Variants in TDRD9 observed in about 807,000 individuals in gnomAD.
TDRD9 encodes the protein ATP-dependent RNA helicase TDRD9.
TDRD9 carries 124 observed loss-of-function variants against 172.6 expected under a neutral mutation model. The ratio of observed to expected loss-of-function variants is 0.72; its 90% confidence interval spans 0.62 to 0.83. The LOEUF (loss-of-function observed/expected upper bound fraction) is 0.83. Among genes scored for constraint, TDRD9 ranks in the 40% least tolerant of loss-of-function variants. TDRD9 has a pLI of 0.00. For synonymous variants in TDRD9, 619 were observed against 617.1 expected (o/e 1.00, Z -0.05); for missense variants, 1,479 against 1,714.1 (o/e 0.86, Z 2.42).
At chr14:104,041,603 T>C (rs1446937291) in intron 33 of TDRD9, among the ~76,000 whole-genome samples, 1 of 152,128 alleles carries the variant, frequency 6.6e-6, no homozygotes, top group Non-Finnish European at 1.5e-5. Context: ...TCATATGTCA[T>C]TAGGAAAATG....
Position 104,014,751 on chromosome 14 carries a change from G to T in TDRD9, c.2133G>T (p.Lys711Asn). Residue 711 changes from lysine to asparagine, a missense_variant, in exon 21 of 36, where the codon AAG (lysine) becomes AAT (asparagine). Coordinates refer to ENST00000409874, the MANE Select transcript of TDRD9 (RefSeq NM_153046.3). ...REVAELYEEL[K>N]TRISQFNMHV... ...TGGCTGAATTATATGAAGAATTGAA[G>T]ACTAGAATCTCACAGTTCAACATGC... The T allele has an allele frequency of 6.2e-7, 1 of 1,609,932 alleles. No individual in the cohort carries two copies. Among genetic ancestry groups the T allele is most frequent in the South Asian group, 1.1e-5 (1 of 90,890 alleles).
intron 15 of TDRD9, among the ~76,000 whole-genome samples, chr14:104,006,059 A>G (rs920094509): frequency 6.6e-6 from 1 of 152,176 alleles, no homozygotes; most frequent in African/African-American, 2.4e-5. Context: ...ATAGTTCAGT[A>G]AGGTTTTGTT....
intron 7 of TDRD9, among the ~76,000 whole-genome samples, chr14:103,976,619 A>G (rs762365640): frequency 1.3e-5 from 2 of 152,194 alleles, no homozygotes; most frequent in African/African-American, 4.8e-5. Flanking sequence ...TATGGTGAAT[A>G]ATGCTGCAGT....
At position 104,004,278 on chromosome 14, in the gene TDRD9, G is replaced by A. The variant is rs2034361592; in HGVS notation, c.1524G>A (p.Leu508=). The A allele has an allele frequency of 1.2e-6, 2 of 1,604,936 alleles. No homozygotes were observed. Among genetic ancestry groups the A allele is most frequent in the South Asian group, 2.2e-5 (2 of 89,578 alleles). The change falls in exon 14 of 36, where the codon CTG becomes CTA. Residue 508 remains leucine (L), a synonymous_variant. Coordinates refer to ENST00000409874, the MANE Select transcript of TDRD9 (RefSeq NM_153046.3). The part of the protein sequence containing the change: ...GRVSRGYCYR[L]VHKDFWDNSI... ...TGTCTAGAGGGTACTGTTACCGGCT[G>A]GTACACAAGGATTTCTGGGACAACT... is the stretch of plus-strand genomic sequence containing the variant.
intron 30 of TDRD9, among the ~76,000 whole-genome samples, chr14:104,032,937 G>A (rs2035330700): frequency 1.3e-5 from 2 of 152,178 alleles, no homozygotes; most frequent in South Asian, 4.1e-4. Flanking sequence ...CGTCAGCCAA[G>A]GTGCAGGTGT....
At chr14:103,946,621 C>T (rs2031572271) in intron 1 of TDRD9, among the ~76,000 whole-genome samples, 1 of 152,206 alleles carries the variant, frequency 6.6e-6, no homozygotes. Context: ...TCTCTGTTTG[C>T]AGATGATATA....
intron 20 of TDRD9, among the ~76,000 whole-genome samples, chr14:104,011,535 C>A (rs1420399689): frequency 5.3e-5 from 8 of 151,974 alleles, no homozygotes; most frequent in Admixed American, 5.2e-4. Flanking sequence ...TTTGAGGGAT[C>A]AATTTTAAAA....
At chr14:103,935,297 A>G (rs541326070) in intron 1 of TDRD9, among the ~76,000 whole-genome samples, 1 of 152,204 alleles carries the variant, frequency 6.6e-6, no homozygotes, top group African/African-American at 2.4e-5. Flanking sequence ...AGAGTGGAGG[A>G]TGTGGGGTGT....
intron 7 of TDRD9, among the ~76,000 whole-genome samples, chr14:103,983,290 T>C (rs1847065093): frequency 6.6e-6 from 1 of 151,990 alleles, no homozygotes; most frequent in Admixed American, 6.6e-5. Flanking sequence ...CTTGAACTCC[T>C]GACCTCAAAT....
At chr14:104,030,139 A>G (rs1566794765) in intron 28 of TDRD9, among the ~76,000 whole-genome samples, 1 of 152,180 alleles carries the variant, frequency 6.6e-6, no homozygotes, top group East Asian at 1.9e-4. Flanking sequence ...TACATACAAA[A>G]AAGTCCTGTA....
intron 9 of TDRD9, among the ~76,000 whole-genome samples, chr14:103,992,006 A>T (rs899911843): frequency 5.9e-5 from 9 of 152,190 alleles, no homozygotes; most frequent in Admixed American, 1.3e-4. Flanking sequence ...CATTTTACAT[A>T]TGTCGTTATA....
rs745315403 is a variant in TDRD9 at position 104,040,350 on chromosome 14, C to T, written c.3855+16C>T. 1.3e-6 allele frequency: 2 copies of T among 1,535,342 alleles called. No individual in the cohort carries two copies. Among genetic ancestry groups the T allele is most frequent in the African/African-American group, 1.4e-5 (1 of 72,644 alleles). On this transcript the variant is annotated intron_variant, in intron 33 of 35. Coordinates refer to ENST00000409874, the MANE Select transcript of TDRD9 (RefSeq NM_153046.3). ...TGTCGTCGAGGTAAGGGTAGTGCAG[C>T]ATCACGGCACCACAACCCTGTCTCT...
chr14:104,021,010 T>C (rs1269206968), intron 23 of TDRD9, among the ~76,000 whole-genome samples: 1 of 152,148 alleles, frequency 6.6e-6, no homozygotes, highest in African/African-American at 2.4e-5. Context: ...CTCTCGGTGC[T>C]ATAAAGAAAT....
intron 28 of TDRD9, 147 bp downstream of exon 28, chr14:104,027,086 G>A: frequency 1.2e-6 from 1 of 822,968 alleles, no homozygotes; most frequent in Non-Finnish European, 1.8e-6. Context: ...AAGACTGGTG[G>A]CACCAATTTA....
rs764207166 is a variant in TDRD9 at position 103,970,610 on chromosome 14, C to T, written c.835C>T (p.Arg279Cys). 35 of 1,549,778 alleles carry T rather than the reference C, an allele frequency of 2.3e-5. 1 individual carries two copies. The highest frequency in any genetic ancestry group is 2.1e-4 in the South Asian group (18 of 84,016). Reference sequence around the variant, plus strand: ...CCGCAAACTCTTAAGAACAAATTCACGTTTTGTGAAGGTAAATTTGATTTC... The same window carrying T: ...CCGCAAACTCTTAAGAACAAATTCATGTTTTGTGAAGGTAAATTTGATTTC... ...VVRKLLRTNS[R>C]FVKVVLMSAT... Residue 279 changes from arginine to cysteine, a missense_variant, in exon 6 of 36, where the codon CGT becomes TGT. Around this residue, in one of 3 missense-constraint regions of TDRD9, gnomAD observed 1,413 missense variants for 1,649.1 expected, o/e 0.86. Transcript: ENST00000409874.
rs558353654 is a variant in TDRD9 at position 103,982,672 on chromosome 14, G to A, written c.1012-3545G>A. Among the ~76,000 whole-genome samples, 6 of 152,294 alleles carry A rather than the reference G, an allele frequency of 3.9e-5. 1 individual carries two copies. The South Asian group carries it at 1.2e-3, about 32-fold the overall frequency. ...TGTAATCCCAGCACTTTGGGAGGCCGAGGCAGGCGGATCACCTGAGGTTGG... is the reference window on the plus strand; with the variant it reads ...TGTAATCCCAGCACTTTGGGAGGCCAAGGCAGGCGGATCACCTGAGGTTGG... On this transcript the variant is annotated intron_variant, in intron 7 of 35. Coordinates refer to ENST00000409874, the MANE Select transcript of TDRD9 (RefSeq NM_153046.3).
intron 13 of TDRD9, among the ~76,000 whole-genome samples, chr14:103,999,545 T>G (rs2034180524): frequency 6.6e-6 from 1 of 152,146 alleles, no homozygotes; most frequent in Non-Finnish European, 1.5e-5. Flanking sequence ...ATGACATACC[T>G]GGGACAGGTT....
At chr14:103,932,984 TC>T (rs1311583788) in intron 1 of TDRD9, among the ~76,000 whole-genome samples, 1 of 152,092 alleles carries the variant, frequency 6.6e-6, no homozygotes, top group African/African-American at 2.4e-5. Flanking sequence ...CGCCTGTGGG[TC>T]CCAGCATGAA....
intron 1 of TDRD9, among the ~76,000 whole-genome samples, chr14:103,947,778 GA>G (rs1391574690): frequency 6.6e-6 from 1 of 152,152 alleles, no homozygotes; most frequent in Non-Finnish European, 1.5e-5. Context: ...ACCCTTAGGG[GA>G]AAACTGAGGG....
Sources: allele counts gnomAD v4.1 joint callset (sites outside exome capture counted in the v4.1 genomes callset), GRCh38; gene constraint gnomAD v4.1.1; regional missense constraint gnomAD v4.1.1; transcripts MANE v1.5; gene names NCBI Gene and HGNC (gene_info 2026-07-23, HGNC 2026-07-21).